The following SMAD9 variants were observed in gnomAD, a reference collection of about 807,000 sequenced individuals.
The protein encoded by SMAD9 is MAD homolog 9.
A neutral mutation model predicts 46.1 loss-of-function variants in SMAD9; 36 were observed. The ratio of observed to expected loss-of-function variants is 0.78; its 90% CI spans 0.60 to 1.03. The LOEUF (loss-of-function observed/expected upper bound fraction) is 1.03. SMAD9 is among the 50% of genes least tolerant of loss of function. SMAD9 has a pLI of 0.00. For synonymous variants in SMAD9, 245 were observed against 237.1 expected, an observed-to-expected ratio of 1.03 and a Z score of -0.31; for missense variants, 572 against 599.8, an observed-to-expected ratio of 0.95 and a Z score of 0.48.
chr13:36,876,738 T>C (rs1168253863), intron 2 of SMAD9, among the ~76,000 whole-genome samples: 1 of 152,174 alleles, frequency 6.6e-6, no homozygotes, highest in East Asian at 1.9e-4. Flanking sequence ...CTTCAATGTA[T>C]CTAAAATGGA....
intron 5 of SMAD9, among the ~76,000 whole-genome samples, chr13:36,854,815 T>C (rs1468757892): frequency 2.0e-5 from 3 of 152,216 alleles, no homozygotes; most frequent in Non-Finnish European, 4.4e-5. Context: ...TCTTAACAAA[T>C]ACCTCAGAGA....
Position 36,853,664 on chromosome 13 carries a change from A to G in SMAD9, c.1015T>C (p.Tyr339His), listed in dbSNP as rs752221478. The change falls in exon 6 of 7, where the codon TAC becomes CAC. Residue 339 changes from tyrosine (Y) to histidine (H), a missense_variant. Transcript: ENST00000379826. ...RRHIGKGVHLYYVGGEVYAEC... is the reference protein window; with the variant it reads ...RRHIGKGVHLHYVGGEVYAEC... ...GCATACACCTCTCCCCCGACGTAGTACAAGTGCACACCTGCAGACACAAAA... is the reference window on the plus strand; with the variant it reads ...GCATACACCTCTCCCCCGACGTAGTGCAAGTGCACACCTGCAGACACAAAA... The G allele has an allele frequency of 1.2e-6, 2 of 1,614,102 alleles. No homozygotes were observed. Among genetic ancestry groups the G allele is most frequent in the Non-Finnish European group, 1.7e-6 (2 of 1,180,008 alleles).
intron 1 of SMAD9, among the ~76,000 whole-genome samples, chr13:36,901,413 CTTTTTTG>C (rs1182413325): frequency 6.8e-6 from 1 of 146,950 alleles, no homozygotes; most frequent in Non-Finnish European, 1.5e-5. Context: ...GGTTTGGCTT[CTTTTTTG>C]TTTTTTGGGC....
At chr13:36,900,684 TAC>T (rs58756918) in intron 1 of SMAD9, among the ~76,000 whole-genome samples, 4,704 of 142,786 alleles carry the variant, frequency 0.033, 76 homozygotes, top group Middle Eastern at 0.1. Context: ...TCATTATGAC[TAC>T]ACACACACAC....
chr13:36,859,904 G>A (rs551033581), intron 5 of SMAD9, among the ~76,000 whole-genome samples: 6 of 150,766 alleles, frequency 4.0e-5, no homozygotes, highest in South Asian at 4.2e-4. Flanking sequence ...AGGTTGAGGC[G>A]AGCCGAGATT....
chr13:36,877,975 G>T (rs1486671397), intron 2 of SMAD9, among the ~76,000 whole-genome samples: 1 of 152,158 alleles, frequency 6.6e-6, no homozygotes, highest in African/African-American at 2.4e-5. Context: ...TTGGTTTCCT[G>T]GGATGAGGCA....
At chr13:36,882,359 A>G (rs2058411771) in intron 1 of SMAD9, among the ~76,000 whole-genome samples, 2 of 152,116 alleles carry the variant, frequency 1.3e-5, no homozygotes, top group African/African-American at 4.8e-5. Context: ...CCTAAACCAT[A>G]CATTTTTCTT....
chr13:36,876,450 C>T (rs1371140545), intron 2 of SMAD9, among the ~76,000 whole-genome samples: 3 of 152,042 alleles, frequency 2.0e-5, no homozygotes, highest in Non-Finnish European at 2.9e-5. Context: ...CTGTTGGGTA[C>T]GAGTCTGTGA....
rs1566022424 is a variant in SMAD9 at position 36,872,698 on chromosome 13, T to A, written c.630A>T (p.Pro210=). 6.2e-7 allele frequency: 1 copy of A among 1,613,888 alleles called. No individual in the cohort carries two copies. Among genetic ancestry groups the A allele is most frequent in the East Asian group, 2.2e-5 (1 of 44,834 alleles). ...GACTCTCTGGCTCAGAAGGACTTCCTGGGGAGTGAGGGTAGCTGGCCGTGC... is the reference window on the plus strand; with the variant it reads ...GACTCTCTGGCTCAGAAGGACTTCCAGGGGAGTGAGGGTAGCTGGCCGTGC... ...SPCTASYPHS[P]GSPSEPESPY... is the part of the protein sequence containing the mutation. Residue 210 remains proline (P), a synonymous_variant, in exon 3 of 7, where the codon CCA becomes CCT. Coordinates refer to ENST00000379826, the MANE Select transcript of SMAD9 (RefSeq NM_001127217.3).
At chr13:36,884,277 G>A (rs528322175) in intron 1 of SMAD9, among the ~76,000 whole-genome samples, 3 of 152,208 alleles carry the variant, frequency 2.0e-5, no homozygotes, top group South Asian at 2.1e-4. Flanking sequence ...TATACTGGGC[G>A]TTCCTGTGTT....
intron 5 of SMAD9, among the ~76,000 whole-genome samples, chr13:36,859,686 C>T (rs1381883981): frequency 6.6e-6 from 1 of 152,166 alleles, no homozygotes; most frequent in Non-Finnish European, 1.5e-5. Flanking sequence ...ACCAGCCAGG[C>T]ACGGTGGCTC....
In SMAD9 at chr13:36,913,620, C is replaced by T. The variant is rs74045066; in HGVS notation, c.-187+6496G>A. On this transcript the variant is annotated intron_variant, in intron 1 of 6. Transcript: ENST00000379826. ...TGCCACTCCTTTGAAATAATACCAA[C>T]TTGTCATTATTTGCAAACACAGCCA... Among the ~76,000 whole-genome samples, 1,439 of 152,290 alleles carry T rather than the reference C, an allele frequency of 9.4e-3. 22 individuals are homozygous for T. Among genetic ancestry groups the T allele is most frequent in the African/African-American group, 0.033 (1,372 of 41,560 alleles).
chr13:36,898,055 T>G (rs1329267155), intron 1 of SMAD9, among the ~76,000 whole-genome samples: 1 of 151,838 alleles, frequency 6.6e-6, no homozygotes, highest in African/African-American at 2.4e-5. Context: ...AGACAGGGTT[T>G]CACCGTGTTA....
At position 36,845,426 on chromosome 13, in the gene SMAD9, A is replaced by T. The variant is rs1347053791; in HGVS notation, c.*3250T>A. 6.6e-6 allele frequency: 1 copy of T among 152,228 alleles called. No homozygotes were observed. The highest frequency in any genetic ancestry group is 2.4e-5 in the African/African-American group (1 of 41,452). 9.4% of individuals were successfully genotyped at this position (152,228 alleles called of 1,614,324 possible). On this transcript the variant is annotated 3_prime_UTR_variant, in exon 7 of 7. Transcript: ENST00000379826. ...ATCATCTAGCTAAAACAAACTTTTCACAATTTTTTAACAGAAAAATAATAA... is the reference window on the plus strand; with the variant it reads ...ATCATCTAGCTAAAACAAACTTTTCTCAATTTTTTAACAGAAAAATAATAA...
intron 1 of SMAD9, among the ~76,000 whole-genome samples, chr13:36,893,606 CAT>C (rs1041725500): frequency 4.6e-5 from 7 of 151,218 alleles, no homozygotes; most frequent in Admixed American, 1.3e-4. Context: ...GTAATAAAAA[CAT>C]ATTAATGATA....
At chr13:36,860,116 T>C (rs1315726752) in intron 5 of SMAD9, among the ~76,000 whole-genome samples, 1 of 152,204 alleles carries the variant, frequency 6.6e-6, no homozygotes. Flanking sequence ...CCTTAAATTC[T>C]TTCTTGTGAG....
At chr13:36,867,910 G>A (rs561863136) in intron 3 of SMAD9, among the ~76,000 whole-genome samples, 12 of 152,264 alleles carry the variant, frequency 7.9e-5, no homozygotes, top group Non-Finnish European at 1.8e-4. Context: ...TCCTGTGACT[G>A]GACAGTGATC....
At chr13:36,879,057 C>G (rs1189041336) in intron 2 of SMAD9, among the ~76,000 whole-genome samples, 1 of 152,070 alleles carries the variant, frequency 6.6e-6, no homozygotes, top group East Asian at 1.9e-4. Context: ...GCATTCCAGG[C>G]AGGAATATCG....
At chr13:36,901,632 T>C (rs898122396) in intron 1 of SMAD9, among the ~76,000 whole-genome samples, 10 of 152,208 alleles carry the variant, frequency 6.6e-5, no homozygotes, top group Middle Eastern at 3.2e-3. Context: ...TTTGCCATGT[T>C]GGCCAGGCTG....
Sources: gnomAD v4.1 joint callset for allele counts (sites outside exome capture counted in the v4.1 genomes callset) on GRCh38, gnomAD v4.1.1 for gene constraint, MANE v1.5 for transcripts, NCBI Gene and HGNC (gene_info 2026-07-23, HGNC 2026-07-21) for gene names.